Variants in COG5 observed in about 807,000 individuals in gnomAD.
The protein encoded by COG5 is conserved oligomeric Golgi complex subunit 5.
COG5 carries 86 observed loss-of-function variants against 110.4 expected under a neutral mutation model. The observed-to-expected ratio is 0.78, with a 90% CI of 0.65 to 0.93. The LOEUF is 0.93. Ranked by LOEUF, COG5 falls within the 40% of genes least tolerant of loss-of-function variation. The pLI is 0.00. For missense variants in COG5, 1,077 were observed against 987.0 expected, an observed-to-expected ratio of 1.09 and a Z score of -1.22; for synonymous variants, 360 against 334.6, an observed-to-expected ratio of 1.08 and a Z score of -0.83.
chr7:107,476,183 TTAAAAAAAAAA>T (rs951488950), intron 6 of COG5, among the ~76,000 whole-genome samples: 2,065 of 86,612 alleles, frequency 0.024, 164 homozygotes, highest in African/African-American at 0.11. Flanking sequence ...TGCAATGATT[TTAAAAAAAAAA>T]AAAAAAAAAA....
At chr7:107,330,799 A>G (rs962790949) in intron 10 of COG5, among the ~76,000 whole-genome samples, 1 of 150,838 alleles carries the variant, frequency 6.6e-6, no homozygotes, top group African/African-American at 2.4e-5. Context: ...GTTATGAAGA[A>G]TCAGGATCTC....
intron 10 of COG5, among the ~76,000 whole-genome samples, chr7:107,341,603 C>T (rs1350685331): frequency 2.6e-5 from 4 of 151,982 alleles, no homozygotes; most frequent in African/African-American, 9.7e-5. Flanking sequence ...AAGCTGAAGA[C>T]ATTACATTAT....
At chr7:107,527,132 T>A in intron 6 of COG5, 105 bp downstream of exon 6, 1 of 1,007,984 alleles carries the variant, frequency 9.9e-7, no homozygotes. Flanking sequence ...TAAAAATTTG[T>A]TTAATAGTAC....
rs898670990 is a variant in COG5, at chr7:107,210,263, C to T, written c.2375+263G>A. On this transcript the variant is annotated intron_variant, in intron 21 of 21. Coordinates refer to ENST00000297135, the MANE Select transcript of COG5 (RefSeq NM_006348.5). ...ATGATGATTTTCAAAGGTACAAATGCATGGTCCTTAGGGTTGCATGGGACA... is the reference window on the plus strand; with the variant it reads ...ATGATGATTTTCAAAGGTACAAATGTATGGTCCTTAGGGTTGCATGGGACA... 5 of 1,331,928 alleles carry T rather than the reference C, an allele frequency of 3.8e-6. No homozygotes were observed. In the Admixed American group the frequency reaches 1.2e-4, roughly 33 times the overall value. 82.5% of individuals were successfully genotyped at this position (1,331,928 alleles called of 1,614,324 possible). A position where few individuals can be genotyped will look rare whatever the true frequency, so the allele number is the denominator to read the frequency against.
chr7:107,304,038 A>G (rs749320027), intron 11 of COG5, among the ~76,000 whole-genome samples: 1 of 152,232 alleles, frequency 6.6e-6, no homozygotes, highest in Non-Finnish European at 1.5e-5. Context: ...ACAATATTTT[A>G]TAATTTAGAA....
At chr7:107,227,138 A>G (rs1402628423) in intron 19 of COG5, among the ~76,000 whole-genome samples, 2 of 152,198 alleles carry the variant, frequency 1.3e-5, no homozygotes, top group African/African-American at 4.8e-5. Context: ...AAATCTGAGA[A>G]ATGGCTGGAT....
At chr7:107,527,089 G>C (rs1800816811) in intron 6 of COG5, 148 bp downstream of exon 6, 2 of 605,288 alleles carry the variant, frequency 3.3e-6, no homozygotes. Flanking sequence ...CTCATTCTGA[G>C]AAGTGTTACA....
In COG5 at chr7:107,203,348, T is replaced by C. The variant is rs571484508; in HGVS notation, c.*168A>G. On this transcript the variant is annotated 3_prime_UTR_variant, in exon 22 of 22. Coordinates refer to ENST00000297135, the MANE Select transcript of COG5 (RefSeq NM_006348.5). ...AAGGTGGTGATAACTCAACATTTTTTATGCTAAAGTATAAGTGCTAAAGAG... is the reference window on the plus strand; with the variant it reads ...AAGGTGGTGATAACTCAACATTTTTCATGCTAAAGTATAAGTGCTAAAGAG... 1.9e-5 allele frequency: 12 copies of C among 625,942 alleles called. No individual in the cohort carries two copies. Among genetic ancestry groups the C allele is most frequent in the Non-Finnish European group, 3.1e-5 (11 of 349,320 alleles). 38.8% of individuals were successfully genotyped at this position (625,942 alleles called of 1,614,324 possible). A position where few individuals can be genotyped will look rare whatever the true frequency, so the allele number is the denominator to read the frequency against.
intron 17 of COG5, among the ~76,000 whole-genome samples, chr7:107,242,411 T>C (rs1399856367): frequency 6.6e-6 from 1 of 152,212 alleles, no homozygotes; most frequent in African/African-American, 2.4e-5. Flanking sequence ...AGCAGCCCTA[T>C]GGCAAAGTGG....
At chr7:107,405,177 T>G (rs1791741140) in intron 7 of COG5, among the ~76,000 whole-genome samples, 1 of 152,214 alleles carries the variant, frequency 6.6e-6, no homozygotes. Flanking sequence ...TTTCCTAACC[T>G]TTCCATCTCT....
At chr7:107,353,659 A>G (rs7802375) in intron 10 of COG5, among the ~76,000 whole-genome samples, 96,548 of 151,950 alleles carry the variant, frequency 0.64, 32,953 homozygotes, top group African/African-American at 0.91. Flanking sequence ...CTAAAATACC[A>G]CTTAGGTTAT....
At chr7:107,277,530 C>T (rs1301882663) in intron 14 of COG5, among the ~76,000 whole-genome samples, 1 of 152,206 alleles carries the variant, frequency 6.6e-6, no homozygotes, top group African/African-American at 2.4e-5. Context: ...GTGCCAACAC[C>T]TGCTCCCAGG....
At chr7:107,386,483 C>T (rs1443002388) in intron 7 of COG5, among the ~76,000 whole-genome samples, 1 of 151,974 alleles carries the variant, frequency 6.6e-6, no homozygotes, top group Non-Finnish European at 1.5e-5. Context: ...GACGGACCGC[C>T]GAAAAGAAGT....
chr7:107,471,621 G>T (rs1397049210), intron 6 of COG5: 1 of 151,918 alleles, frequency 6.6e-6, no homozygotes, highest in African/African-American at 2.4e-5. Context: ...AGCCTGAAAA[G>T]AATTTTTAAA....
At chr7:107,222,727 T>C (rs1800030428) in intron 19 of COG5, among the ~76,000 whole-genome samples, 1 of 152,182 alleles carries the variant, frequency 6.6e-6, no homozygotes, top group Admixed American at 6.5e-5. Flanking sequence ...AATAACCATC[T>C]AAAGTGCTTT....
intron 6 of COG5, among the ~76,000 whole-genome samples, chr7:107,512,110 CTGTTTGCAGATG>C (rs1164364317): frequency 1.3e-5 from 2 of 152,178 alleles, no homozygotes; most frequent in Admixed American, 1.3e-4. Context: ...CAAATTGTCC[CTGTTTGCAGATG>C]ACATGATTGT....
In COG5 at chr7:107,474,870, C is replaced by T. The variant is rs1796875659; in HGVS notation, c.538+52367G>A. 2 of 1,612,930 alleles carry T rather than the reference C, an allele frequency of 1.2e-6. 1 individual carries two copies. The highest frequency in any genetic ancestry group is 3.3e-4 in the Middle Eastern group (2 of 6,080). Reference sequence around the variant, plus strand: ...TAACCACACAACATGAGGCTACAGACATGTCACAAAGCAGTGGTGGGAGAA... The same window carrying T: ...TAACCACACAACATGAGGCTACAGATATGTCACAAAGCAGTGGTGGGAGAA... On this transcript the variant is annotated intron_variant, in intron 6 of 21. Coordinates refer to ENST00000297135, the MANE Select transcript of COG5 (RefSeq NM_006348.5). The surrounding 1 kb of genome is among the most constrained non-coding windows in gnomAD (Gnocchi z 5.7).
At chr7:107,353,520 C>T (rs1812363016) in intron 10 of COG5, among the ~76,000 whole-genome samples, 2 of 150,846 alleles carry the variant, frequency 1.3e-5, no homozygotes, top group Non-Finnish European at 1.5e-5. Flanking sequence ...ATAAATATAT[C>T]TTTTCAAATT....
Position 107,210,599 on chromosome 7 carries a change from C to G in COG5, c.2302G>C (p.Glu768Gln), listed in dbSNP as rs976169827. The change falls in exon 21 of 22, where the codon GAG becomes CAG. Residue 768 changes from glutamate (E) to glutamine (Q), a missense_variant. By Grantham distance (29) the Glu-to-Gln change is conservative (BLOSUM62 2). Transcript: ENST00000297135. ...TGAGAGAAGCGTGTGTGGGACCACT[C>G]TGCCCTCTGCAGGGTTGAAACACAA... Reference protein sequence around the residue: ...AELKSPFQRAEWSHTRFSQWL... With the variant: ...AELKSPFQRAQWSHTRFSQWL... 5 of 1,600,238 alleles carry G rather than the reference C, an allele frequency of 3.1e-6. No homozygotes were observed. The highest frequency in any genetic ancestry group is 1.3e-5 in the African/African-American group (1 of 74,876).
Sources: allele counts gnomAD v4.1 joint callset (sites outside exome capture counted in the v4.1 genomes callset), GRCh38; gene constraint gnomAD v4.1.1; non-coding constraint Gnocchi (gnomAD v3.1); transcripts MANE v1.5; gene names NCBI Gene and HGNC (gene_info 2026-07-23, HGNC 2026-07-21).